The following RYR2 variants were observed in gnomAD, a reference collection of about 807,000 sequenced individuals.
The protein encoded by RYR2 is cardiac muscle ryanodine receptor-calcium release channel.
Under a neutral mutation model 601.1 loss-of-function variants are expected in RYR2, and 227 were observed. The observed-to-expected ratio is 0.38, with a 90% CI of 0.34 to 0.42. The LOEUF (loss-of-function observed/expected upper bound fraction) is 0.42. Ranked by LOEUF, RYR2 falls within the 10% of genes least tolerant of loss-of-function variation. RYR2 has a pLI of 1.00. For missense variants in RYR2, 4,646 were observed against 6,156.5 expected, an observed-to-expected ratio of 0.75 and a Z score of 8.21; for synonymous variants, 2,223 against 2,175.1, an observed-to-expected ratio of 1.02 and a Z score of -0.61.
intron 1 of RYR2, among the ~76,000 whole-genome samples, chr1:237,215,223 A>G (rs752138142): frequency 2.0e-5 from 3 of 152,310 alleles, no homozygotes; most frequent in Middle Eastern, 3.4e-3. Context: ...TAGCATTGGC[A>G]GGATCTGAGT....
At chr1:237,791,569 A>T in intron 93 of RYR2, 54 bp downstream of exon 93, 2 of 914,040 alleles carry the variant, frequency 2.2e-6, no homozygotes, top group Middle Eastern at 2.1e-4. Flanking sequence ...ATAGAAATGA[A>T]TGTAAAGATT....
intron 34 of RYR2, among the ~76,000 whole-genome samples, chr1:237,596,160 C>T (rs1485095925): frequency 2.6e-5 from 4 of 152,142 alleles, no homozygotes; most frequent in Non-Finnish European, 5.9e-5. Flanking sequence ...AAACATGACT[C>T]CTCCAAAGGA....
intron 25 of RYR2, among the ~76,000 whole-genome samples, chr1:237,536,640 G>T (rs980711803): frequency 6.7e-6 from 1 of 150,234 alleles, no homozygotes; most frequent in Non-Finnish European, 1.5e-5. Flanking sequence ...GCGTGAATCC[G>T]GGAGGCGGAG....
intron 1 of RYR2, among the ~76,000 whole-genome samples, chr1:237,207,218 G>A (rs1681911039): frequency 1.3e-5 from 2 of 152,092 alleles, no homozygotes; most frequent in Admixed American, 6.5e-5. Context: ...GCCTTTAAGA[G>A]GTAATTAGGT....
At chr1:237,314,309 C>T (rs1558607469) in intron 2 of RYR2, among the ~76,000 whole-genome samples, 1 of 152,058 alleles carries the variant, frequency 6.6e-6, no homozygotes, top group Non-Finnish European at 1.5e-5. Flanking sequence ...CATGATCCAC[C>T]TGCCTCAGCC....
At chr1:237,481,955 G>A (rs899494408) in intron 17 of RYR2, among the ~76,000 whole-genome samples, 6 of 151,578 alleles carry the variant, frequency 4.0e-5, no homozygotes, top group African/African-American at 1.2e-4. Flanking sequence ...TGTTGGTTTC[G>A]TAAGAAGACA....
chr1:237,830,452 G>A, intron 102 of RYR2, 78 bp from the exon 103 acceptor site: 3 of 839,100 alleles, frequency 3.6e-6, no homozygotes, highest in Non-Finnish European at 4.2e-6. Flanking sequence ...AATAATAGCT[G>A]CCCCTACATG....
At chr1:237,250,467 A>C (rs889199306) in intron 1 of RYR2, among the ~76,000 whole-genome samples, 8 of 152,176 alleles carry the variant, frequency 5.3e-5, no homozygotes, top group African/African-American at 1.4e-4. Context: ...GCTTAAAGAT[A>C]GTCTCTCATT....
chr1:237,242,219 TTTG>T (rs1686270178), intron 1 of RYR2, among the ~76,000 whole-genome samples: 1 of 71,638 alleles, frequency 1.4e-5, no homozygotes, highest in Non-Finnish European at 3.6e-5. Context: ...TGTTTGTTTG[TTTG>T]TTTGCCAGGT....
chr1:237,749,910 C>T (rs1488610049), intron 80 of RYR2, among the ~76,000 whole-genome samples: 3 of 152,136 alleles, frequency 2.0e-5, no homozygotes, highest in Non-Finnish European at 4.4e-5. Context: ...CTTTGGGAGG[C>T]CGAGGTGGGT....
chr1:237,700,103 ATTTTAAAAGTTGG>A, intron 64 of RYR2, 113 bp from the exon 65 acceptor site: 1 of 648,490 alleles, frequency 1.5e-6, no homozygotes, highest in South Asian at 2.2e-5. Context: ...TTTAGAGTTG[ATTTTAAAAGTTGG>A]TTACCAGGTG....
chr1:237,058,284 C>T (rs1481820212), intron 1 of RYR2, among the ~76,000 whole-genome samples: 1 of 152,108 alleles, frequency 6.6e-6, no homozygotes, highest in Non-Finnish European at 1.5e-5. Flanking sequence ...TAGTGACTGC[C>T]CTCAGCTCTC....
At chr1:237,697,468 T>C (rs1270220747) in intron 63 of RYR2, among the ~76,000 whole-genome samples, 1 of 144,252 alleles carries the variant, frequency 6.9e-6, no homozygotes, top group East Asian at 2.0e-4. Flanking sequence ...TTATATGATA[T>C]ATAATATATT....
intron 1 of RYR2, among the ~76,000 whole-genome samples, chr1:237,125,034 C>CT (rs1489589208): frequency 5.3e-5 from 8 of 152,202 alleles, no homozygotes; most frequent in African/African-American, 1.7e-4. Flanking sequence ...CTGGTAGAAA[C>CT]TAATTCATAG....
rs945552940 is a variant in RYR2 at position 237,309,703 on chromosome 1, G to A, written c.169-21175G>A. On this transcript the variant is annotated intron_variant, in intron 2 of 104. Coordinates refer to ENST00000366574, the MANE Select transcript of RYR2 (RefSeq NM_001035.3). ...GGGGCGGCGCTTGTCGGGGAGGCTC[G>A]GACACGCAGGAGCCCATGGCCGGGG... Among the ~76,000 whole-genome samples, 15 of 152,274 alleles carry A rather than the reference G, an allele frequency of 9.9e-5. No individual in the cohort carries two copies. In the South Asian group the frequency reaches 1.9e-3, roughly 19 times the overall value.
intron 2 of RYR2, among the ~76,000 whole-genome samples, chr1:237,285,255 C>G (rs374283425): frequency 6.6e-6 from 1 of 152,054 alleles, no homozygotes; most frequent in Non-Finnish European, 1.5e-5. Context: ...TAGATTTTGT[C>G]GAATGCTTTT....
At chr1:237,589,437 A>G (rs74147484) in intron 29 of RYR2, among the ~76,000 whole-genome samples, 7,959 of 152,132 alleles carry the variant, frequency 0.052, 634 homozygotes, top group African/African-American at 0.17. Context: ...TACTTTCCCT[A>G]TATGAGAGAG....
intron 11 of RYR2, among the ~76,000 whole-genome samples, chr1:237,421,225 C>A (rs998560054): frequency 1.3e-5 from 2 of 152,122 alleles, no homozygotes; most frequent in South Asian, 2.1e-4. Context: ...GGTGACAGAG[C>A]GAGACTCCGT....
intron 2 of RYR2, among the ~76,000 whole-genome samples, chr1:237,322,759 C>T (rs935554680): frequency 3.3e-5 from 5 of 151,476 alleles, no homozygotes; most frequent in African/African-American, 9.7e-5. Flanking sequence ...TATTGCTGAT[C>T]CTTGTTATCA....
Sources: gnomAD v4.1 joint callset for allele counts (sites outside exome capture counted in the v4.1 genomes callset) on GRCh38, gnomAD v4.1.1 for gene constraint, MANE v1.5 for transcripts, NCBI Gene and HGNC (gene_info 2026-07-23, HGNC 2026-07-21) for gene names.